Variants in ZC3H12B observed in about 807,000 individuals in gnomAD.
ZC3H12B encodes the protein probable ribonuclease ZC3H12B.
ZC3H12B carries 7 observed loss-of-function variants against 43.9 expected under a neutral mutation model. The ratio of observed to expected loss-of-function variants is 0.16; its 90% confidence interval spans 0.09 to 0.30. The LOEUF (loss-of-function observed/expected upper bound fraction) is 0.30, where lower values mean the gene tolerates loss of function less well. ZC3H12B is among the 10% of genes least tolerant of loss of function. The pLI, the probability that ZC3H12B is intolerant of heterozygous loss-of-function variation, is 1.00. For synonymous variants in ZC3H12B, 222 were observed against 241.7 expected, an observed-to-expected ratio of 0.92 and a Z score of 0.76; for missense variants, 475 against 670.2, an observed-to-expected ratio of 0.71 and a Z score of 3.22.
chrX:65,156,455 A>G, the ZC3H12B span, among the ~76,000 whole-genome samples: 2 of 111,759 alleles, frequency 1.8e-5, no homozygotes, highest in Admixed American at 1.9e-4. Flanking sequence ...ATCTCGTCTC[A>G]CTGCAACCTC....
chrX:65,035,220 G>T, the ZC3H12B span, among the ~76,000 whole-genome samples: 1 of 112,052 alleles, frequency 8.9e-6, no homozygotes, highest in Non-Finnish European at 1.9e-5. Context: ...GCTCCCCCCT[G>T]CAGGGGCTGC....
chrX:65,299,292 G>A, the ZC3H12B span, among the ~76,000 whole-genome samples: 1 of 111,569 alleles, frequency 9.0e-6, no homozygotes, highest in Non-Finnish European at 1.9e-5. Flanking sequence ...ATTTTGTGAG[G>A]CCGTCATTAC....
At chrX:65,274,776 A>C in the ZC3H12B span, among the ~76,000 whole-genome samples, 1 of 110,882 alleles carries the variant, frequency 9.0e-6, no homozygotes, top group Non-Finnish European at 1.9e-5. Context: ...TGTGCCCCCA[A>C]TAAGGGCCTG....
intron 2 of ZC3H12B, among the ~76,000 whole-genome samples, chrX:65,389,352 A>T (rs1602363560): frequency 8.9e-6 from 1 of 112,155 alleles, no homozygotes; most frequent in Non-Finnish European, 1.9e-5. Flanking sequence ...CCCGTCCCCC[A>T]GCCTCGCTGC....
the ZC3H12B span, among the ~76,000 whole-genome samples, chrX:65,044,662 G>T: frequency 9.0e-6 from 1 of 111,187 alleles, no homozygotes; most frequent in African/African-American, 3.3e-5. Flanking sequence ...TAGGGTAGTA[G>T]TACTGGGGAA....
At chrX:65,501,045 A>G (rs1447546453) in intron 4 of ZC3H12B, among the ~76,000 whole-genome samples, 1 of 111,283 alleles carries the variant, frequency 9.0e-6, no homozygotes, top group Middle Eastern at 4.2e-3. Flanking sequence ...AGCTCACAAA[A>G]TAAAGTCACT....
chrX:65,409,556 CCACACACACACACACA>C lies in ZC3H12B; in HGVS notation n.407+10879_407+10894del, dbSNP rs149933064. ...ATATATTTGGAAAAACCTAAAGACTCCACACACACACACACACACACACACACACACACACACACAC... is the reference window on the plus strand; with the variant it reads ...ATATATTTGGAAAAACCTAAAGACTCCACACACACACACACACACACACAC... On this transcript the variant is annotated intron_variant and non_coding_transcript_variant, in intron 3 of 5. Transcript: ENST00000617377. Among the ~76,000 whole-genome samples the C allele has an allele frequency of 1.6e-3, 144 of 87,654 alleles. 3 individuals are homozygous for C. In the East Asian group the frequency reaches 0.048, roughly 29 times the overall value. The allele number at this position is 87,654 out of a possible 115,157, so 76.1% of individuals were successfully genotyped here.
chrX:65,211,253 G>T, the ZC3H12B span, among the ~76,000 whole-genome samples: 1 of 108,819 alleles, frequency 9.2e-6, no homozygotes, highest in Admixed American at 1.0e-4. Context: ...CCATTCTGTA[G>T]GTTGCCTGTT....
chrX:65,344,338 A>G, the ZC3H12B span, among the ~76,000 whole-genome samples: 1 of 112,030 alleles, frequency 8.9e-6, no homozygotes, highest in East Asian at 2.8e-4. Flanking sequence ...AGGTTACAGT[A>G]ACCAAAACAG....
the ZC3H12B span, among the ~76,000 whole-genome samples, chrX:65,260,211 A>G: frequency 9.0e-6 from 1 of 110,833 alleles, no homozygotes; most frequent in Non-Finnish European, 1.9e-5. Flanking sequence ...GTTCCCAAAA[A>G]CCTATTGAAA....
chrX:65,075,558 C>A, the ZC3H12B span, among the ~76,000 whole-genome samples: 6 of 112,029 alleles, frequency 5.4e-5, no homozygotes, highest in African/African-American at 1.9e-4. Context: ...GCAGTCCCCC[C>A]AAAAAGACAG....
the ZC3H12B span, among the ~76,000 whole-genome samples, chrX:65,227,137 G>C: frequency 9.0e-6 from 1 of 111,251 alleles, no homozygotes. Flanking sequence ...TGGAAGTAAA[G>C]CTCTCCTCAG....
intron 3 of ZC3H12B, among the ~76,000 whole-genome samples, chrX:65,403,648 G>C (rs1263825166): frequency 9.0e-6 from 1 of 111,502 alleles, no homozygotes; most frequent in Non-Finnish European, 1.9e-5. Flanking sequence ...AACCTTACAG[G>C]CCAAGAGAGT....
chrX:65,146,039 C>T, the ZC3H12B span, among the ~76,000 whole-genome samples: 14 of 111,374 alleles, frequency 1.3e-4, 1 homozygote, highest in Non-Finnish European at 1.7e-4. Context: ...TCTAGCAAGT[C>T]CAGGGAAGTT....
At chrX:65,156,296 G>C in the ZC3H12B span, among the ~76,000 whole-genome samples, 12 of 111,217 alleles carry the variant, frequency 1.1e-4, no homozygotes, top group African/African-American at 3.9e-4. Context: ...AAATTCCCAG[G>C]CTAAACTGAT....
At chrX:65,175,669 A>T in the ZC3H12B span, among the ~76,000 whole-genome samples, 1 of 111,503 alleles carries the variant, frequency 9.0e-6, no homozygotes, top group Non-Finnish European at 1.9e-5. Context: ...TCCATTTCGA[A>T]CTGAGGTACC....
At chrX:65,079,154 T>C in the ZC3H12B span, among the ~76,000 whole-genome samples, 45 of 112,718 alleles carry the variant, frequency 4.0e-4, no homozygotes, top group African/African-American at 1.4e-3. Context: ...CTTATTTCAC[T>C]TTACATAATG....
the ZC3H12B span, among the ~76,000 whole-genome samples, chrX:65,047,941 G>A: frequency 2.2e-3 from 246 of 110,122 alleles, 2 homozygotes; most frequent in African/African-American, 7.5e-3. Flanking sequence ...GAAATAACAT[G>A]GTATCTACCC....
At chrX:65,316,259 A>T in the ZC3H12B span, among the ~76,000 whole-genome samples, 33 of 112,415 alleles carry the variant, frequency 2.9e-4, no homozygotes, top group African/African-American at 1.1e-3. Flanking sequence ...GTTTGAGGAT[A>T]GTGTACATGA....
Sources: gnomAD v4.1 joint callset for allele counts (sites outside exome capture counted in the v4.1 genomes callset) on GRCh38, gnomAD v4.1.1 for gene constraint, MANE v1.5 for transcripts, NCBI Gene and HGNC (gene_info 2026-07-23, HGNC 2026-07-21) for gene names.